ATP5PO: variants seen among roughly 807,000 people sequenced by gnomAD.
The protein encoded by ATP5PO is ATP synthase peripheral stalk subunit OSCP.
In ATP5PO, 14 loss-of-function variants were observed where a neutral mutation model predicts 26.2. The ratio of observed to expected loss-of-function variants is 0.53; its 90% CI spans 0.35 to 0.83. The LOEUF is 0.83. Among genes scored for constraint, ATP5PO ranks in the 40% least tolerant of loss-of-function variants. The pLI, the probability that ATP5PO is intolerant of heterozygous loss-of-function variation, is 0.01. For synonymous variants in ATP5PO, 106 were observed against 95.1 expected, an observed-to-expected ratio of 1.12 and a Z score of -0.67; for missense variants, 241 against 258.5, an observed-to-expected ratio of 0.93 and a Z score of 0.46.
At chr21:33,903,821 T>G in intron 6 of ATP5PO, 114 bp downstream of exon 6, 1 of 1,147,436 alleles carries the variant, frequency 8.7e-7, no homozygotes, top group Non-Finnish European at 1.2e-6. Context: ...TACAAAATTT[T>G]AACTACAGAA....
chr21:33,909,785 A>G (rs541693371), intron 3 of ATP5PO, among the ~76,000 whole-genome samples: 20 of 152,372 alleles, frequency 1.3e-4, no homozygotes, highest in African/African-American at 4.8e-4. Context: ...AAAGATTATA[A>G]AACACTAAAC....
chr21:33,906,896 C>G (rs1490386022), intron 5 of ATP5PO: 2 of 400,214 alleles, frequency 5.0e-6, no homozygotes, highest in Non-Finnish European at 1.0e-5. Context: ...GAAGCTGAGG[C>G]AGGAGGATCA....
chr21:33,903,533 A>G lies in ATP5PO; in HGVS notation c.635T>C (p.Ile212Thr), dbSNP rs745380361. The G allele has an allele frequency of 6.2e-7, 1 of 1,612,226 alleles. No homozygotes were observed. The highest frequency in any genetic ancestry group is 1.3e-5 in the African/African-American group (1 of 74,924). The change falls in exon 7 of 7, where the codon ATT becomes ACT. Residue 212 changes from isoleucine to threonine, a missense_variant. Physicochemically the swap from Ile to Thr is moderately conservative, Grantham distance 89. Around this residue, in one of 3 missense-constraint regions of ATP5PO, gnomAD observed 77 missense variants for 74.5 expected, o/e 1.03. Coordinates refer to ENST00000290299, the MANE Select transcript of ATP5PO (RefSeq NM_001697.3). ...GGCAGAAAACCAACACTTTTAGACA[A>G]TCTCCCGCATAGCCCTGCCCAGCTT... ...IQKLGRAMRE[I>T]V
chr21:33,914,684 T>G, intron 1 of ATP5PO, 184 bp from the exon 2 acceptor site: 1 of 527,818 alleles, frequency 1.9e-6, no homozygotes, highest in South Asian at 3.0e-5. Flanking sequence ...CCAATGAGGA[T>G]TATGCCAAGT....
At chr21:33,905,362 T>G (rs111271147) in intron 5 of ATP5PO, among the ~76,000 whole-genome samples, 3 of 152,116 alleles carry the variant, frequency 2.0e-5, no homozygotes, top group African/African-American at 7.2e-5. Context: ...CCGGTCATTA[T>G]GCCCATTTTA....
chr21:33,908,762 C>G (rs2148606269), intron 4 of ATP5PO: 1 of 219,984 alleles, frequency 4.5e-6, no homozygotes, highest in South Asian at 1.6e-4. Context: ...ATCCAAGGAT[C>G]AAGGTATAGC....
chr21:33,915,561 G>C, intron 1 of ATP5PO, 167 bp downstream of exon 1: 2 of 1,059,424 alleles, frequency 1.9e-6, no homozygotes, highest in South Asian at 1.6e-5. Flanking sequence ...GGCATCCCGG[G>C]GGACAAACGC....
chr21:33,914,347 G>C, intron 2 of ATP5PO, 103 bp downstream of exon 2: 3 of 1,160,974 alleles, frequency 2.6e-6, no homozygotes, highest in Non-Finnish European at 3.8e-6. Flanking sequence ...CACGCAAAAA[G>C]GTTTAGATAG....
intron 5 of ATP5PO, among the ~76,000 whole-genome samples, chr21:33,906,268 T>C (rs1987171481): frequency 6.6e-6 from 1 of 152,184 alleles, no homozygotes; most frequent in Admixed American, 6.5e-5. Context: ...TCCAAGTCAA[T>C]CTACCACACT....
At chr21:33,906,836 C>T in intron 5 of ATP5PO, 1 of 449,802 alleles carries the variant, frequency 2.2e-6, no homozygotes, top group South Asian at 1.6e-5. Flanking sequence ...AAAAAACACA[C>T]AAAAATTAGC....
chr21:33,911,153 G>A (rs1376281444), intron 3 of ATP5PO, among the ~76,000 whole-genome samples: 3 of 152,142 alleles, frequency 2.0e-5, no homozygotes, highest in Non-Finnish European at 4.4e-5. Context: ...AAAATCGAAG[G>A]AAGCAACAGA....
At chr21:33,907,988 T>TTGTGCAGTGGCGCAATCTTGGCTCA (rs1414407808) in intron 4 of ATP5PO, among the ~76,000 whole-genome samples, 1 of 150,228 alleles carries the variant, frequency 6.7e-6, no homozygotes, top group African/African-American at 2.5e-5. Flanking sequence ...AAACCCTGCC[T>TTGTGCAGTGGCGCAATCTTGGCTCA]CACAAAAAAA....
intron 4 of ATP5PO, among the ~76,000 whole-genome samples, chr21:33,908,563 G>A (rs932286435): frequency 5.9e-5 from 9 of 152,148 alleles, no homozygotes; most frequent in Non-Finnish European, 1.3e-4. Context: ...CAAAAAATTA[G>A]CTGGGTGTGG....
At chr21:33,903,749 A>C in intron 6 of ATP5PO, 110 bp from the exon 7 acceptor site, 1 of 1,251,138 alleles carries the variant, frequency 8.0e-7, no homozygotes, top group Non-Finnish European at 1.1e-6. Flanking sequence ...GGTTATAATT[A>C]CACCTAGAAA....
chr21:33,914,066 C>T (rs1029298452), intron 2 of ATP5PO, among the ~76,000 whole-genome samples: 1 of 152,096 alleles, frequency 6.6e-6, no homozygotes, highest in East Asian at 1.9e-4. Flanking sequence ...GCGTGAGCCA[C>T]CGCGCCCAGC....
Position 33,914,497 on chromosome 21 carries a change from G to C in ATP5PO, c.40C>G (p.Arg14Gly), listed in dbSNP as rs190343471. The C allele has an allele frequency of 9.9e-6, 16 of 1,612,328 alleles. No homozygotes were observed. The Admixed American group carries it at 2.5e-4, about 25-fold the overall frequency. The change falls in exon 2 of 7, where the codon CGA (arginine) becomes GGA (glycine). Residue 14 changes from arginine to glycine, a missense_variant. By Grantham distance (125) the Arg-to-Gly change is moderately radical. Coordinates refer to ENST00000290299, the MANE Select transcript of ATP5PO (RefSeq NM_001697.3). ...PAVSGLSRQVRCFSTSVVRPF... is the reference protein window; with the variant it reads ...PAVSGLSRQVGCFSTSVVRPF... ...CTGACCACAGAGGTACTGAAGCATC[G>C]CACCTTCAAAGCAATAAAGGAAAAT...
In ATP5PO at chr21:33,907,429, A is replaced by G. The variant is rs1356251466; in HGVS notation, c.353T>C (p.Leu118Ser). 47 of 1,614,042 alleles carry G rather than the reference A, an allele frequency of 2.9e-5. No homozygotes were observed. Among genetic ancestry groups the G allele is most frequent in the Non-Finnish European group, 3.9e-5 (46 of 1,180,032 alleles). ...AGAAACGACTCCTTGGGTATTGCTT[A>G]ATCGACCATTTTCAGCAAGCAAATC... ...LINLLAENGR[L>S]SNTQGVVSAF... Residue 118 changes from leucine to serine, a missense_variant, in exon 5 of 7, where the codon TTA becomes TCA. This residue lies in a region of ATP5PO where 39 missense variants were observed against 75.5 expected (regional missense o/e 0.52). Coordinates refer to ENST00000290299, the MANE Select transcript of ATP5PO (RefSeq NM_001697.3).
intron 3 of ATP5PO, 134 bp from the exon 4 acceptor site, chr21:33,909,345 A>G (rs1987218482): frequency 5.2e-6 from 5 of 966,612 alleles, no homozygotes; most frequent in Non-Finnish European, 7.4e-6. Context: ...CAGTGGCGCA[A>G]TCTTGGCTCA....
At chr21:33,910,031 A>G (rs940909480) in intron 3 of ATP5PO, among the ~76,000 whole-genome samples, 1 of 152,214 alleles carries the variant, frequency 6.6e-6, no homozygotes, top group Non-Finnish European at 1.5e-5. Flanking sequence ...CAGAGTGGAC[A>G]ATAAAACAGG....
Sources: allele counts gnomAD v4.1 joint callset (sites outside exome capture counted in the v4.1 genomes callset), GRCh38; gene constraint gnomAD v4.1.1; regional missense constraint gnomAD v4.1.1; transcripts MANE v1.5; gene names NCBI Gene and HGNC (gene_info 2026-07-23, HGNC 2026-07-21).